Variants in ABCD4 observed in about 807,000 individuals in gnomAD.
ABCD4 encodes the protein ATP binding cassette subfamily D member 4.
ABCD4 carries 53 observed loss-of-function variants against 86.3 expected under a neutral mutation model. That is an observed-to-expected ratio of 0.61 (90% CI 0.49 to 0.77). The LOEUF (loss-of-function observed/expected upper bound fraction) is 0.77. Among genes scored for constraint, ABCD4 ranks in the 30% least tolerant of loss-of-function variants. The pLI is 0.00. For missense variants in ABCD4, 757 were observed against 764.5 expected, an observed-to-expected ratio of 0.99 and a Z score of 0.12; for synonymous variants, 328 against 313.6, an observed-to-expected ratio of 1.05 and a Z score of -0.49.
At chr14:74,295,689 A>T in intron 6 of ABCD4, 165 bp downstream of exon 6, 1 of 878,260 alleles carries the variant, frequency 1.1e-6, no homozygotes, top group Non-Finnish European at 1.7e-6. Flanking sequence ...TACCATTTCC[A>T]CTTTAGAGAC....
At position 74,286,155 on chromosome 14, in the gene ABCD4, C is replaced by A. The variant is rs1418267056; in HGVS notation, c.*306G>T. On this transcript the variant is annotated 3_prime_UTR_variant, in exon 19 of 19. Coordinates refer to ENST00000356924, the MANE Select transcript of ABCD4 (RefSeq NM_005050.4). The stretch of plus-strand genomic sequence containing the variant: ...TTCATTTCTTACAGATCTCACACTT[C>A]CAGATTTCTCTTTAGCAAACATGAT... 1 of 266,230 alleles carries A rather than the reference C, an allele frequency of 3.8e-6. No homozygotes were observed. Among genetic ancestry groups the A allele is most frequent in the Non-Finnish European group, 7.1e-6 (1 of 141,284 alleles). The allele number at this position is 266,230 out of a possible 1,614,324, so 16.5% of individuals were successfully genotyped here.
At chr14:74,296,291 C>T (rs115784704) in intron 5 of ABCD4, 42 bp downstream of exon 5, 3 of 1,578,350 alleles carry the variant, frequency 1.9e-6, no homozygotes, top group Non-Finnish European at 2.6e-6. Flanking sequence ...TGACTGAGGG[C>T]CCTCTGGGGA....
rs2082723908 is a variant in ABCD4 at position 74,295,932 on chromosome 14, C to T, written c.590G>A (p.Gly197Glu). The T allele has an allele frequency of 4.3e-6, 7 of 1,612,436 alleles. No individual in the cohort carries two copies. Among genetic ancestry groups the T allele is most frequent in the East Asian group, 2.2e-5 (1 of 44,840 alleles). The change falls in exon 6 of 19, where the codon GGG becomes GAG. Residue 197 changes from glycine (G) to glutamate (E), a missense_variant. Physicochemically the swap from Gly to Glu is moderately conservative, Grantham distance 98 (BLOSUM62 -2). Transcript: ENST00000356924. ...PVSIFGYFILGTVVNKTLMGP... is the reference protein window; with the variant it reads ...PVSIFGYFILETVVNKTLMGP... ...CATCAAAGTTTTGTTCACCACGGTC[C>T]CCAGGATGAAATACCCGAAGATGCT... is the stretch of plus-strand genomic sequence containing the variant.
At chr14:74,289,784 G>C in intron 13 of ABCD4, 3 of 1,436,786 alleles carry the variant, frequency 2.1e-6, no homozygotes, top group Non-Finnish European at 1.8e-6. Context: ...TGACATACGC[G>C]TGTGGTATTT....
Position 74,292,963 on chromosome 14 carries a change from C to A in ABCD4, c.815-94G>T, listed in dbSNP as rs2081944722. On this transcript the variant is annotated intron_variant, in intron 8 of 18. Coordinates refer to ENST00000356924, the MANE Select transcript of ABCD4 (RefSeq NM_005050.4). ...ACAGGGAGCAGGACGCCAAGTAGGGCCACGTGGACTCTCTGGATCCTCATT... is the reference window on the plus strand; with the variant it reads ...ACAGGGAGCAGGACGCCAAGTAGGGACACGTGGACTCTCTGGATCCTCATT... The A allele has an allele frequency of 1.3e-5, 20 of 1,570,964 alleles. No homozygotes were observed. In the South Asian group the frequency reaches 2.2e-4, roughly 17 times the overall value.
At chr14:74,299,423 C>G in intron 3 of ABCD4, 125 bp downstream of exon 3, 1 of 1,259,130 alleles carries the variant, frequency 7.9e-7, no homozygotes, top group Non-Finnish European at 1.1e-6. Flanking sequence ...CTTTAGTTCC[C>G]AGAAAAGGGA....
chr14:74,288,091 A>T, intron 16 of ABCD4, 116 bp downstream of exon 16: 1 of 1,265,652 alleles, frequency 7.9e-7, no homozygotes, highest in South Asian at 1.4e-5. Context: ...CACCCGACTG[A>T]CCAGCCAAAC....
intron 13 of ABCD4, 148 bp downstream of exon 13, chr14:74,289,879 A>T: frequency 6.7e-7 from 1 of 1,486,020 alleles, no homozygotes; most frequent in Non-Finnish European, 8.9e-7. Context: ...GAAGGTTCTT[A>T]GAGCCAGCAG....
chr14:74,296,236 G>C, intron 5 of ABCD4, 97 bp downstream of exon 5: 1 of 1,300,800 alleles, frequency 7.7e-7, no homozygotes, highest in South Asian at 1.2e-5. Flanking sequence ...GGTACGGTGG[G>C]AGAGAGGGGA....
Position 74,288,271 on chromosome 14 carries a change from C to A in ABCD4, c.1507-12G>T. On this transcript the variant is annotated splice_polypyrimidine_tract_variant and intron_variant, in intron 15 of 18. Coordinates refer to ENST00000356924, the MANE Select transcript of ABCD4 (RefSeq NM_005050.4). The stretch of plus-strand genomic sequence containing the variant: ...GCCACCAAGTTGGACTGTAACAGAC[C>A]CAGAGGGCAGGATGTCCATGAAATG... The A allele has an allele frequency of 1.2e-6, 2 of 1,603,848 alleles. No individual in the cohort carries two copies. The highest frequency in any genetic ancestry group is 1.7e-6 in the Non-Finnish European group (2 of 1,174,982).
chr14:74,288,647 A>T, intron 15 of ABCD4, 69 bp downstream of exon 15: 1 of 1,561,070 alleles, frequency 6.4e-7, no homozygotes, highest in Non-Finnish European at 8.8e-7. Context: ...TAGCAGGGCC[A>T]GCACCTGCCT....
intron 8 of ABCD4, 89 bp downstream of exon 8, chr14:74,293,065 T>C: frequency 6.7e-7 from 1 of 1,485,932 alleles, no homozygotes; most frequent in Non-Finnish European, 9.3e-7. Context: ...GGCACATTTA[T>C]CCTTGCAGAC....
Position 74,295,927 on chromosome 14 carries a change from C to T in ABCD4, c.595G>A (p.Val199Met), listed in dbSNP as rs147955909. ...GGGCCCATCAAAGTTTTGTTCACCA[C>T]GGTCCCCAGGATGAAATACCCGAAG... is the stretch of plus-strand genomic sequence containing the variant. ...SIFGYFILGTVVNKTLMGPIV... is the reference protein window; with the variant it reads ...SIFGYFILGTMVNKTLMGPIV... Residue 199 changes from valine (V) to methionine (M), a missense_variant, in exon 6 of 19, where the codon GTG (valine) becomes ATG (methionine). Val to Met is a conservative substitution (Grantham distance 21). Coordinates refer to ENST00000356924, the MANE Select transcript of ABCD4 (RefSeq NM_005050.4). The T allele has an allele frequency of 6.8e-6, 11 of 1,612,814 alleles. No individual in the cohort carries two copies. The highest frequency in any genetic ancestry group is 6.7e-5 in the East Asian group (3 of 44,840).
intron 11 of ABCD4, among the ~76,000 whole-genome samples, 186 bp downstream of exon 11, chr14:74,292,101 A>G (rs2081647581): frequency 6.6e-6 from 1 of 152,108 alleles, no homozygotes; most frequent in African/African-American, 2.4e-5. Context: ...GAATGGTGTA[A>G]ATTAACACAA....
chr14:74,296,005 G>A lies in ABCD4; in HGVS notation c.543-26C>T, dbSNP rs372904211. On this transcript the variant is annotated intron_variant, in intron 5 of 18. Coordinates refer to ENST00000356924, the MANE Select transcript of ABCD4 (RefSeq NM_005050.4). ...CTGAAATAGAGAGAGAGGGAGAGAA[G>A]GGAGAGGGTGTGGGGTGCCACCTAT... is the stretch of plus-strand genomic sequence containing the variant. 15 of 1,582,672 alleles carry A rather than the reference G, an allele frequency of 9.5e-6. No individual in the cohort carries two copies. The African/African-American group carries it at 2.0e-4, about 22-fold the overall frequency.
intron 16 of ABCD4, 61 bp downstream of exon 16, chr14:74,288,146 C>A: frequency 1.3e-6 from 2 of 1,571,194 alleles, no homozygotes; most frequent in South Asian, 1.2e-5. Flanking sequence ...TTGACAGGGA[C>A]CCTGAAACCC....
intron 4 of ABCD4, 90 bp downstream of exon 4, chr14:74,297,840 T>A: frequency 1.3e-6 from 2 of 1,497,070 alleles, no homozygotes; most frequent in Non-Finnish European, 1.8e-6. Context: ...GCAGATGATC[T>A]CCTTGGTGTC....
At chr14:74,295,010 T>TA in intron 7 of ABCD4, 138 bp downstream of exon 7, 1 of 1,017,174 alleles carries the variant, frequency 9.8e-7, no homozygotes, top group Admixed American at 2.0e-5. Context: ...CAGGGGGAGG[T>TA]AGAGGGAGAG....
intron 14 of ABCD4, 79 bp from the exon 15 acceptor site, chr14:74,288,844 T>G (rs1449610390): frequency 6.5e-7 from 1 of 1,544,332 alleles, no homozygotes; most frequent in Non-Finnish European, 8.8e-7. Flanking sequence ...CTGTGCACAG[T>G]GGCTCACGCC....
Sources: gnomAD v4.1 joint callset for allele counts (sites outside exome capture counted in the v4.1 genomes callset) on GRCh38, gnomAD v4.1.1 for gene constraint, MANE v1.5 for transcripts, NCBI Gene and HGNC (gene_info 2026-07-23, HGNC 2026-07-21) for gene names.